The following MMP7 variants were observed in gnomAD, a reference collection of about 807,000 sequenced individuals.
The protein encoded by MMP7 is matrilysin.
MMP7 carries 26 observed loss-of-function variants against 31.5 expected under a neutral mutation model. The observed-to-expected ratio is 0.83, with a 90% CI of 0.61 to 1.15. The LOEUF (loss-of-function observed/expected upper bound fraction) is 1.15, where lower values mean the gene tolerates loss of function less well. Among genes scored for constraint, MMP7 ranks in the 50% most tolerant of loss-of-function variants. The pLI, the probability that MMP7 is intolerant of heterozygous loss-of-function variation, is 0.00. For missense variants in MMP7, 367 were observed against 326.5 expected, an observed-to-expected ratio of 1.12 and a Z score of -0.96; for synonymous variants, 142 against 124.2, an observed-to-expected ratio of 1.14 and a Z score of -0.95.
chr11:102,527,631 T>A lies in MMP7; in HGVS notation c.377A>T (p.Asp126Val). The A allele has an allele frequency of 6.2e-7, 1 of 1,614,112 alleles. No individual in the cohort carries two copies. The highest frequency in any genetic ancestry group is 8.5e-7 in the Non-Finnish European group (1 of 1,180,000). ...YTRDLPHITVDRLVSKALNMW... is the reference protein window; with the variant it reads ...YTRDLPHITVVRLVSKALNMW... ...GTTTAAAGCCTTTGACACTAATCGA[T>A]CCACTGTAATATGCGGTAAGTCTCG... is the stretch of plus-strand genomic sequence containing the variant. Residue 126 changes from aspartate to valine, a missense_variant, in exon 3 of 6, where the codon GAT becomes GTT. Coordinates refer to ENST00000260227, the MANE Select transcript of MMP7 (RefSeq NM_002423.5).
intron 3 of MMP7, among the ~76,000 whole-genome samples, chr11:102,525,944 A>C (rs910379725): frequency 6.6e-6 from 1 of 151,620 alleles, no homozygotes; most frequent in African/African-American, 2.4e-5. Flanking sequence ...CTCTTAAAAA[A>C]CTTGTAGTGC....
At chr11:102,525,793 G>A (rs1191474439) in intron 3 of MMP7, among the ~76,000 whole-genome samples, 1 of 140,316 alleles carries the variant, frequency 7.1e-6, no homozygotes, top group East Asian at 2.0e-4. Flanking sequence ...TAAAAACCTA[G>A]CTTATTCTTC....
rs149122882 is a variant in MMP7 at position 102,525,006 on chromosome 11, C to A, written c.543G>T (p.Ala181=). Residue 181 remains alanine, a synonymous_variant, in exon 4 of 6, where the codon GCG becomes GCT. Coordinates refer to ENST00000260227, the MANE Select transcript of MMP7 (RefSeq NM_002423.5). ...CATCTCCTCCGAGACCTGTCCCAGG[C>A]GCAAAGGCATGAGCCAGCGTGTTTC... is the stretch of plus-strand genomic sequence containing the variant. The part of the protein sequence containing the change: ...GPGNTLAHAF[A]PGTGLGGDAH... 2 of 1,613,688 alleles carry A rather than the reference C, an allele frequency of 1.2e-6. No individual in the cohort carries two copies. The highest frequency in any genetic ancestry group is 1.7e-6 in the Non-Finnish European group (2 of 1,179,910).
chr11:102,525,267 G>A (rs1050334627), intron 3 of MMP7, among the ~76,000 whole-genome samples: 2 of 151,962 alleles, frequency 1.3e-5, no homozygotes, highest in African/African-American at 2.4e-5. Context: ...GTGAAACCCC[G>A]TCTCTACTAA....
chr11:102,525,288 A>C (rs1858657286), intron 3 of MMP7, among the ~76,000 whole-genome samples: 1 of 151,958 alleles, frequency 6.6e-6, no homozygotes, highest in Non-Finnish European at 1.5e-5. Context: ...AAATACAAAA[A>C]TTTGGACATG....
intron 3 of MMP7, among the ~76,000 whole-genome samples, chr11:102,525,826 TAGAG>T (rs1218524510): frequency 6.6e-6 from 1 of 151,724 alleles, no homozygotes; most frequent in Non-Finnish European, 1.5e-5. Context: ...AATAGTCTCT[TAGAG>T]AGCCATGCTC....
chr11:102,530,720 T>C lies in MMP7; in HGVS notation c.-20A>G, dbSNP rs369495888. On this transcript the variant is annotated 5_prime_UTR_variant, in exon 1 of 6. Transcript: ENST00000260227. ...TCGCATAGCTGCCGTCCAGAGACAA[T>C]TGTTCTTGGACCTATGGTTGATTTG... 39 of 1,607,480 alleles carry C rather than the reference T, an allele frequency of 2.4e-5. No homozygotes were observed. The highest frequency in any genetic ancestry group is 3.2e-5 in the Non-Finnish European group (38 of 1,175,638).
intron 3 of MMP7, among the ~76,000 whole-genome samples, chr11:102,526,225 A>AT (rs538271620): frequency 0.2 from 24,741 of 126,876 alleles, 2,368 homozygotes; most frequent in Non-Finnish European, 0.21. Context: ...AAAAAAAAAA[A>AT]ATATATATAT....
rs17884789 is a variant in MMP7 at position 102,527,598 on chromosome 11, C to T, written c.410G>A (p.Gly137Asp). Reference sequence around the variant, plus strand: ...CCTGAAATGCAGGGGGATCTCTTTGCCCCACATGTTTAAAGCCTTTGACAC... The same window carrying T: ...CCTGAAATGCAGGGGGATCTCTTTGTCCCACATGTTTAAAGCCTTTGACAC... The part of the protein sequence containing the change: ...RLVSKALNMW[G>D]KEIPLHFRKV... Residue 137 changes from glycine (G) to aspartate (D), a missense_variant, in exon 3 of 6, where the codon GGC (glycine) becomes GAC (aspartate). Coordinates refer to ENST00000260227, the MANE Select transcript of MMP7 (RefSeq NM_002423.5). The T allele has an allele frequency of 3.6e-3, 5,742 of 1,614,008 alleles. 266 individuals carry two copies. In the East Asian group the frequency reaches 0.1, roughly 28 times the overall value.
At chr11:102,526,241 T>TA (rs59390667) in intron 3 of MMP7, among the ~76,000 whole-genome samples, 23,364 of 120,120 alleles carry the variant, frequency 0.19, 2,768 homozygotes, top group African/African-American at 0.35. Context: ...TATATATATA[T>TA]TTTTTTTTTT....
At chr11:102,528,711 C>T (rs569075207) in intron 1 of MMP7, among the ~76,000 whole-genome samples, 1 of 152,276 alleles carries the variant, frequency 6.6e-6, no homozygotes, top group African/African-American at 2.4e-5. Context: ...CAGGTTTATT[C>T]CATGCAAGGT....
At position 102,520,808 on chromosome 11, in the gene MMP7, T is replaced by C. The variant is rs750692998; in HGVS notation, c.776-4A>G. On this transcript the variant is annotated splice_polypyrimidine_tract_variant and splice_region_variant and intron_variant, in intron 5 of 5. Coordinates refer to ENST00000260227, the MANE Select transcript of MMP7 (RefSeq NM_002423.5). ...TTTCTTGAATTACTTCTCTTTCCTA[T>C]TGAGAGAAAAAAAAAGAACATTCTG... 18 of 1,552,896 alleles carry C rather than the reference T, an allele frequency of 1.2e-5. No individual in the cohort carries two copies. Among genetic ancestry groups the C allele is most frequent in the Admixed American group, 5.2e-5 (3 of 57,634 alleles).
At chr11:102,521,576 A>C (rs939562734) in intron 5 of MMP7, among the ~76,000 whole-genome samples, 29 of 152,162 alleles carry the variant, frequency 1.9e-4, no homozygotes, top group African/African-American at 4.8e-5. Flanking sequence ...TTTTCTGCTC[A>C]TATTACTTTT....
intron 3 of MMP7, among the ~76,000 whole-genome samples, chr11:102,526,637 G>C (rs758642665): frequency 2.6e-5 from 4 of 152,112 alleles, no homozygotes; most frequent in Non-Finnish European, 5.9e-5. Context: ...CTTCTCAGGG[G>C]ACTCTTGAGG....
chr11:102,523,328 A>G lies in MMP7; in HGVS notation c.687T>C (p.Asn229=). ...TTCCATAGGTTGGATACATCACTGC[A>G]TTAGGATCAGAGGAATGTCCCATAC... ...SLGMGHSSDP[N]AVMYPTYGNG... Residue 229 remains asparagine (N), a synonymous_variant, in exon 5 of 6, where the codon AAT becomes AAC. Coordinates refer to ENST00000260227, the MANE Select transcript of MMP7 (RefSeq NM_002423.5). The G allele has an allele frequency of 6.2e-7, 1 of 1,613,524 alleles. No homozygotes were observed. The highest frequency in any genetic ancestry group is 8.5e-7 in the Non-Finnish European group (1 of 1,179,660).
At position 102,523,322 on chromosome 11, in the gene MMP7, C is replaced by G. The variant is rs1858634173; in HGVS notation, c.693G>C (p.Val231=). The G allele has an allele frequency of 6.2e-7, 1 of 1,613,370 alleles. No individual in the cohort carries two copies. The highest frequency in any genetic ancestry group is 8.5e-7 in the Non-Finnish European group (1 of 1,179,576). Residue 231 remains valine (V), a synonymous_variant, in exon 5 of 6, where the codon GTG becomes GTC. Transcript: ENST00000260227. ...GMGHSSDPNA[V]MYPTYGNGDP... ...CTCCATTTCCATAGGTTGGATACAT[C>G]ACTGCATTAGGATCAGAGGAATGTC...
At position 102,527,776 on chromosome 11, in the gene MMP7, A is replaced by G; in HGVS notation, c.316T>C (p.Ser106Pro). ...ACTAACCTGTAGGTGACCACTTTGG[A>G]AGTCCATTTTGGGCTATTTGGAAAT... ...SLFPNSPKWT[S>P]KVVTYRIVSY... The change falls in exon 2 of 6, where the codon TCC becomes CCC. Residue 106 changes from serine to proline, a missense_variant. Physicochemically the swap from Ser to Pro is moderately conservative, Grantham distance 74. Coordinates refer to ENST00000260227, the MANE Select transcript of MMP7 (RefSeq NM_002423.5). The G allele has an allele frequency of 6.2e-7, 1 of 1,614,162 alleles. No homozygotes were observed. The highest frequency in any genetic ancestry group is 8.5e-7 in the Non-Finnish European group (1 of 1,180,020).
At chr11:102,527,434 G>A in intron 3 of MMP7, 90 bp downstream of exon 3, 2 of 1,443,252 alleles carry the variant, frequency 1.4e-6, no homozygotes, top group Non-Finnish European at 2.0e-6. Context: ...TCTCATTAAA[G>A]GATTTTAATC....
In MMP7 at chr11:102,527,880, G is replaced by A. The variant is rs753184263; in HGVS notation, c.212C>T (p.Thr71Ile). ...TATGACGCGGGAGTTTAACATTCCA[G>A]TTATAGGTAGGCCAAAGAATTTTTG... ...EMQKFFGLPI[T>I]GMLNSRVIEI... Residue 71 changes from threonine (T) to isoleucine (I), a missense_variant, in exon 2 of 6, where the codon ACT becomes ATT. Transcript: ENST00000260227. The A allele has an allele frequency of 6.2e-7, 1 of 1,614,126 alleles. No individual in the cohort carries two copies. The highest frequency in any genetic ancestry group is 8.5e-7 in the Non-Finnish European group (1 of 1,180,004).
Sources: allele counts gnomAD v4.1 joint callset (sites outside exome capture counted in the v4.1 genomes callset), GRCh38; gene constraint gnomAD v4.1.1; transcripts MANE v1.5; gene names NCBI Gene and HGNC (gene_info 2026-07-23, HGNC 2026-07-21).